Variants in CACNA2D3 observed in about 807,000 individuals in gnomAD.
CACNA2D3 encodes the protein voltage-dependent calcium channel subunit alpha-2/delta-3.
In CACNA2D3, 60 loss-of-function variants were observed where a neutral mutation model predicts 160.6. That is an observed-to-expected ratio of 0.37 (90% CI 0.30 to 0.46). The LOEUF (loss-of-function observed/expected upper bound fraction) is 0.46, where lower values mean the gene tolerates loss of function less well. CACNA2D3 is among the 20% of genes least tolerant of loss of function. CACNA2D3 has a pLI of 1.00. For synonymous variants in CACNA2D3, 558 were observed against 492.9 expected (o/e 1.13, Z -1.75); for missense variants, 1,205 against 1,365.0 (o/e 0.88, Z 1.85).
In CACNA2D3 at chr3:54,770,929, G is replaced by A. The variant is rs554521560; in HGVS notation, c.1380+6578G>A. Among the ~76,000 whole-genome samples, 166 of 152,148 alleles carry A rather than the reference G, an allele frequency of 1.1e-3. 1 individual carries two copies. Among genetic ancestry groups the A allele is most frequent in the African/African-American group, 3.7e-3 (152 of 41,520 alleles). On this transcript the variant is annotated intron_variant, in intron 13 of 37. Transcript: ENST00000474759. Reference sequence around the variant, plus strand: ...AAAAAATTACCACTGTGCTGAATACGGGCAAAGCAACCATAAAAAACTAGG... The same window carrying A: ...AAAAAATTACCACTGTGCTGAATACAGGCAAAGCAACCATAAAAAACTAGG...
intron 2 of CACNA2D3, among the ~76,000 whole-genome samples, chr3:54,208,673 C>A (rs1390685835): frequency 1.3e-5 from 2 of 152,122 alleles, no homozygotes; most frequent in Non-Finnish European, 2.9e-5. Flanking sequence ...TGGACAGGCA[C>A]ATCCAGTTCT....
intron 5 of CACNA2D3, among the ~76,000 whole-genome samples, chr3:54,515,210 GAGAGAGAGAGAA>G (rs1441097524): frequency 6.6e-6 from 1 of 151,600 alleles, no homozygotes; most frequent in Non-Finnish European, 1.5e-5. Flanking sequence ...GAGAGAGAGA[GAGAGAGAGAGAA>G]AGAGAGAGAG....
At chr3:55,044,335 T>C (rs1575449324) in intron 35 of CACNA2D3, among the ~76,000 whole-genome samples, 1 of 152,210 alleles carries the variant, frequency 6.6e-6, no homozygotes, top group Admixed American at 6.5e-5. Flanking sequence ...TAAAACGTTA[T>C]ACCTATTTCT....
chr3:55,064,597 A>G (rs1704595253), intron 35 of CACNA2D3, among the ~76,000 whole-genome samples: 1 of 152,106 alleles, frequency 6.6e-6, no homozygotes, highest in African/African-American at 2.4e-5. Context: ...TAAAACACAA[A>G]TTCAAAGACA....
At chr3:54,631,846 T>C (rs893782064) in intron 10 of CACNA2D3, among the ~76,000 whole-genome samples, 2 of 152,236 alleles carry the variant, frequency 1.3e-5, no homozygotes, top group Admixed American at 6.5e-5. Flanking sequence ...ACTGCAATTA[T>C]CATTTTTGGC....
chr3:54,144,192 C>T (rs1177697371), intron 2 of CACNA2D3, among the ~76,000 whole-genome samples: 2 of 152,192 alleles, frequency 1.3e-5, no homozygotes, highest in Non-Finnish European at 2.9e-5. Context: ...AGCATATCCC[C>T]TATTACTCAT....
At chr3:54,757,096 C>A (rs534137378) in intron 12 of CACNA2D3, among the ~76,000 whole-genome samples, 1 of 152,260 alleles carries the variant, frequency 6.6e-6, no homozygotes, top group African/African-American at 2.4e-5. Flanking sequence ...ACCGACTAGC[C>A]CAGACATTTC....
chr3:54,443,961 C>T (rs560909517), intron 4 of CACNA2D3, among the ~76,000 whole-genome samples: 10 of 152,234 alleles, frequency 6.6e-5, no homozygotes, highest in African/African-American at 2.2e-4. Flanking sequence ...TCTGGACTTC[C>T]TCATTGTGTT....
intron 13 of CACNA2D3, among the ~76,000 whole-genome samples, chr3:54,797,387 A>G (rs958622886): frequency 3.9e-5 from 6 of 152,114 alleles, no homozygotes; most frequent in Non-Finnish European, 8.8e-5. Context: ...CCTATTGTAC[A>G]ATTTCAGTAG....
intron 17 of CACNA2D3, among the ~76,000 whole-genome samples, chr3:54,860,504 G>T (rs549957550): frequency 3.9e-5 from 6 of 152,290 alleles, no homozygotes; most frequent in African/African-American, 1.4e-4. Flanking sequence ...AGTTAATGAA[G>T]CCCATGTTTA....
chr3:54,255,571 T>C (rs1378997476), intron 2 of CACNA2D3, among the ~76,000 whole-genome samples: 1 of 152,226 alleles, frequency 6.6e-6, no homozygotes, highest in Non-Finnish European at 1.5e-5. Flanking sequence ...ATTCCTGGGC[T>C]ATCTTTCCTG....
intron 35 of CACNA2D3, among the ~76,000 whole-genome samples, chr3:55,056,614 C>A (rs868516990): frequency 7.9e-5 from 12 of 152,096 alleles, no homozygotes; most frequent in Admixed American, 5.2e-4. Context: ...CAATGGAATA[C>A]TATTTGGCAT....
At chr3:54,412,788 A>G (rs1699691469) in intron 4 of CACNA2D3, among the ~76,000 whole-genome samples, 1 of 151,446 alleles carries the variant, frequency 6.6e-6, no homozygotes, top group Non-Finnish European at 1.5e-5. Flanking sequence ...GTGCTTTAGC[A>G]CATCACTTAA....
At chr3:54,891,972 G>A (rs1175713586) in intron 25 of CACNA2D3, among the ~76,000 whole-genome samples, 1 of 152,170 alleles carries the variant, frequency 6.6e-6, no homozygotes, top group East Asian at 1.9e-4. Context: ...GGGTTTGACA[G>A]TGTCTCCTTG....
At chr3:54,169,695 A>AAG (rs1559870467) in intron 2 of CACNA2D3, among the ~76,000 whole-genome samples, 1 of 131,690 alleles carries the variant, frequency 7.6e-6, no homozygotes, top group Non-Finnish European at 1.7e-5. Flanking sequence ...ATGTGTGTGC[A>AAG]TGTGTGTGTG....
chr3:54,809,259 C>T (rs933056022), intron 13 of CACNA2D3, among the ~76,000 whole-genome samples: 5 of 145,176 alleles, frequency 3.4e-5, no homozygotes, highest in South Asian at 2.2e-4. Context: ...TTCCTTTCTT[C>T]CTTCCTTCCT....
chr3:54,549,757 T>G (rs931927011), intron 5 of CACNA2D3, among the ~76,000 whole-genome samples: 21 of 152,236 alleles, frequency 1.4e-4, no homozygotes, highest in African/African-American at 5.1e-4. Context: ...TTGGCAATTA[T>G]ATTTCAGACC....
intron 9 of CACNA2D3, among the ~76,000 whole-genome samples, chr3:54,599,909 C>T (rs576345628): frequency 1.3e-5 from 2 of 152,328 alleles, no homozygotes; most frequent in South Asian, 4.1e-4. Flanking sequence ...GTCTCTGCCT[C>T]AGCTGTGATC....
chr3:54,832,508 A>G (rs1703903195), intron 14 of CACNA2D3, among the ~76,000 whole-genome samples: 1 of 152,244 alleles, frequency 6.6e-6, no homozygotes, highest in African/African-American at 2.4e-5. Context: ...AATATCCTTA[A>G]GTATAAAGCA....
Sources: allele counts gnomAD v4.1 joint callset (sites outside exome capture counted in the v4.1 genomes callset), GRCh38; gene constraint gnomAD v4.1.1; transcripts MANE v1.5; gene names NCBI Gene and HGNC (gene_info 2026-07-23, HGNC 2026-07-21).